The following PEAK1 variants were observed in gnomAD, a reference collection of about 807,000 sequenced individuals.
The protein encoded by PEAK1 is pseudopodium enriched atypical kinase 1.
A neutral mutation model predicts 124.7 loss-of-function variants in PEAK1; 54 were observed. The observed-to-expected ratio is 0.43, with a 90% CI of 0.35 to 0.54. The LOEUF (loss-of-function observed/expected upper bound fraction) is 0.54, where lower values mean the gene tolerates loss of function less well. Among genes scored for constraint, PEAK1 ranks in the 20% least tolerant of loss-of-function variants. The pLI is 0.01. For missense variants in PEAK1, 2,046 were observed against 2,134.5 expected (o/e 0.96, Z 0.82); for synonymous variants, 719 against 760.0 (o/e 0.95, Z 0.89).
intron 2 of PEAK1, among the ~76,000 whole-genome samples, chr15:77,311,532 C>T (rs888737245): frequency 6.6e-6 from 1 of 151,498 alleles, no homozygotes; most frequent in South Asian, 2.1e-4. Flanking sequence ...AAAAATTAGG[C>T]GTGCTGGCGG....
chr15:77,195,092 C>T (rs2058038651), intron 6 of PEAK1, among the ~76,000 whole-genome samples: 1 of 151,882 alleles, frequency 6.6e-6, no homozygotes, highest in Non-Finnish European at 1.5e-5. Context: ...AAAATAATTA[C>T]TCTTTATAGA....
At chr15:77,298,510 G>C (rs982194154) in intron 2 of PEAK1, among the ~76,000 whole-genome samples, 2 of 151,820 alleles carry the variant, frequency 1.3e-5, no homozygotes, top group Non-Finnish European at 2.9e-5. Context: ...GAGCCACCAC[G>C]CCCGGCCGGT....
intron 1 of PEAK1, chr15:77,403,506 A>C: frequency 1.0e-6 from 1 of 960,456 alleles, no homozygotes; most frequent in Non-Finnish European, 1.2e-6. Context: ...AATAGTACAA[A>C]TCAAGCACAG....
chr15:77,317,328 T>C (rs939322764), intron 2 of PEAK1, among the ~76,000 whole-genome samples: 1 of 152,170 alleles, frequency 6.6e-6, no homozygotes, highest in African/African-American at 2.4e-5. Flanking sequence ...GCCTTCATTA[T>C]GGAAAAATTA....
intron 6 of PEAK1, among the ~76,000 whole-genome samples, chr15:77,244,120 C>A (rs1477490875): frequency 1.3e-5 from 2 of 151,984 alleles, no homozygotes; most frequent in African/African-American, 4.8e-5. Flanking sequence ...GTTTGGTAGT[C>A]TTAAAAAAAA....
intron 1 of PEAK1, among the ~76,000 whole-genome samples, chr15:77,386,429 A>G (rs2069943983): frequency 6.6e-6 from 1 of 152,230 alleles, no homozygotes; most frequent in South Asian, 2.1e-4. Context: ...TGCTGTTGGT[A>G]GCACAAAGCT....
chr15:77,344,043 C>A (rs1037060728), intron 2 of PEAK1, among the ~76,000 whole-genome samples: 2 of 152,138 alleles, frequency 1.3e-5, no homozygotes, highest in African/African-American at 2.4e-5. Flanking sequence ...GTCTCGCCAC[C>A]CTTGTTGAAA....
chr15:77,407,936 C>T (rs62007272), intron 1 of PEAK1, among the ~76,000 whole-genome samples: 15 of 76,842 alleles, frequency 2.0e-4, no homozygotes, highest in African/African-American at 4.4e-4. Flanking sequence ...TATATACACA[C>T]ATATATACAC....
At chr15:77,381,652 T>A (rs575288939) in intron 1 of PEAK1, among the ~76,000 whole-genome samples, 44 of 152,284 alleles carry the variant, frequency 2.9e-4, no homozygotes, top group Admixed American at 3.9e-4. Context: ...ATTACAACAC[T>A]CTACTCTCCC....
intron 1 of PEAK1, among the ~76,000 whole-genome samples, chr15:77,414,553 G>T (rs1035668169): frequency 1.3e-5 from 2 of 152,010 alleles, no homozygotes; most frequent in African/African-American, 4.8e-5. Context: ...GACTTGAAAC[G>T]AACATGGTTT....
At chr15:77,101,413 G>T (rs2050692620) in exon 7 of PEAK1, 1 of 152,200 alleles carries the variant, frequency 6.6e-6, no homozygotes, top group Non-Finnish European at 1.5e-5. Flanking sequence ...ATCCCCCGAT[G>T]AGTCCTTGGT....
intron 6 of PEAK1, among the ~76,000 whole-genome samples, chr15:77,207,220 C>T (rs1468582072): frequency 1.3e-5 from 2 of 152,146 alleles, no homozygotes; most frequent in African/African-American, 4.8e-5. Context: ...GACTTCATGT[C>T]TAAAACACCA....
chr15:77,259,022 T>C (rs2061310717), intron 5 of PEAK1, among the ~76,000 whole-genome samples: 1 of 152,202 alleles, frequency 6.6e-6, no homozygotes, highest in South Asian at 2.1e-4. Flanking sequence ...ATATGCTGGA[T>C]TACATTTATT....
At chr15:77,149,178 C>T (rs960653376) in intron 8 of PEAK1, among the ~76,000 whole-genome samples, 6 of 152,128 alleles carry the variant, frequency 3.9e-5, no homozygotes, top group African/African-American at 1.4e-4. Context: ...CCCATGGATC[C>T]GTCAAATCTA....
intron 2 of PEAK1, among the ~76,000 whole-genome samples, chr15:77,354,232 A>C (rs1488051612): frequency 6.6e-6 from 1 of 152,216 alleles, no homozygotes; most frequent in Non-Finnish European, 1.5e-5. Context: ...TACACACTGG[A>C]AAGGAAACAA....
chr15:77,193,137 G>A (rs2057925449), intron 6 of PEAK1, among the ~76,000 whole-genome samples: 1 of 152,158 alleles, frequency 6.6e-6, no homozygotes, highest in Non-Finnish European at 1.5e-5. Flanking sequence ...AGAGACAAAT[G>A]AAGTTGGAGT....
intron 1 of PEAK1, among the ~76,000 whole-genome samples, chr15:77,369,698 C>T (rs868663649): frequency 1.3e-5 from 2 of 148,904 alleles, no homozygotes; most frequent in Non-Finnish European, 2.9e-5. Flanking sequence ...ATGGATGAAA[C>T]AGGTCTTAGT....
intron 6 of PEAK1, among the ~76,000 whole-genome samples, chr15:77,187,352 T>C (rs2057597794): frequency 6.6e-6 from 1 of 152,162 alleles, no homozygotes; most frequent in Non-Finnish European, 1.5e-5. Context: ...TTTTATTCTC[T>C]CTACTGCCAT....
intron 8 of PEAK1, chr15:77,156,853 T>C (rs1285870983): frequency 6.6e-6 from 1 of 152,212 alleles, no homozygotes; most frequent in African/African-American, 2.4e-5. Context: ...TTTCATTTTA[T>C]AATATGCCTC....
Sources: gnomAD v4.1 joint callset for allele counts (sites outside exome capture counted in the v4.1 genomes callset) on GRCh38, gnomAD v4.1.1 for gene constraint, MANE v1.5 for transcripts, NCBI Gene and HGNC (gene_info 2026-07-23, HGNC 2026-07-21) for gene names.